Variants in EPM2A observed in about 807,000 individuals in gnomAD.
EPM2A encodes the protein EPM2A glucan phosphatase, laforin, also known as laforin.
EPM2A carries 21 observed loss-of-function variants against 26.5 expected under a neutral mutation model. The ratio of observed to expected loss-of-function variants is 0.79; its 90% CI spans 0.56 to 1.14. The LOEUF (loss-of-function observed/expected upper bound fraction) is 1.14. Among genes scored for constraint, EPM2A ranks in the 50% most tolerant of loss-of-function variants. The pLI, the probability that EPM2A is intolerant of heterozygous loss-of-function variation, is 0.00. For synonymous variants in EPM2A, 217 were observed against 177.6 expected (o/e 1.22, Z -1.76); for missense variants, 458 against 440.8 (o/e 1.04, Z -0.35).
At chr6:145,437,276 C>T (rs1045113926) in intron 4 of EPM2A, among the ~76,000 whole-genome samples, 10 of 152,230 alleles carry the variant, frequency 6.6e-5, no homozygotes, top group South Asian at 2.1e-4. Flanking sequence ...CGCCTTCTCC[C>T]ATGATTGTAA....
intron 2 of EPM2A, among the ~76,000 whole-genome samples, chr6:145,596,935 C>A (rs1421805360): frequency 1.9e-5 from 2 of 106,796 alleles, no homozygotes; most frequent in Non-Finnish European, 3.7e-5. Flanking sequence ...TCGCCCAGGC[C>A]GGACTGCGGA....
chr6:145,578,651 T>G (rs1181211481), intron 2 of EPM2A, among the ~76,000 whole-genome samples: 2 of 152,110 alleles, frequency 1.3e-5, no homozygotes, highest in Non-Finnish European at 2.9e-5. Flanking sequence ...TCCAAAAAAT[T>G]TAGCAGGAGG....
intron 4 of EPM2A, among the ~76,000 whole-genome samples, chr6:145,462,588 A>G (rs913392324): frequency 2.0e-5 from 3 of 152,296 alleles, no homozygotes; most frequent in Middle Eastern, 3.4e-3. Context: ...ATAGTTTGGT[A>G]TTCAACTCAG....
intron 4 of EPM2A, among the ~76,000 whole-genome samples, chr6:145,435,998 C>T (rs988726894): frequency 1.3e-5 from 2 of 152,156 alleles, no homozygotes; most frequent in Non-Finnish European, 2.9e-5. Flanking sequence ...TGGTGTTGTA[C>T]ATTCAATGGG....
intron 2 of EPM2A, among the ~76,000 whole-genome samples, chr6:145,517,914 A>G (rs1260291003): frequency 6.6e-6 from 1 of 152,162 alleles, no homozygotes. Flanking sequence ...AAAACACAAA[A>G]ATAAAAATCT....
intron 2 of EPM2A, among the ~76,000 whole-genome samples, chr6:145,683,268 G>GGTGGGT: frequency 7.5e-6 from 1 of 134,008 alleles, no homozygotes; most frequent in South Asian, 2.4e-4. Context: ...CCCAGGATTT[G>GGTGGGT]GTGTGTGTGT....
In EPM2A at chr6:145,564,853, T is replaced by TA. The variant is rs375876091; in HGVS notation, c.341-62279dup. 2.9e-4 allele frequency among the ~76,000 whole-genome samples: 44 copies of TA among 152,164 alleles called. 1 individual carries two copies. Among genetic ancestry groups the TA allele is most frequent in the African/African-American group, 9.4e-4 (39 of 41,530 alleles). On this transcript the variant is annotated intron_variant, in intron 2 of 3. Transcript: ENST00000450221. ...ATAAACTAACATCAGAGCCAGATCTTACATTCAGCTGGAAGGGGATCTAGC... is the reference window on the plus strand; with the variant it reads ...ATAAACTAACATCAGAGCCAGATCTTAACATTCAGCTGGAAGGGGATCTAGC...
At chr6:145,667,346 T>C (rs1465037930) in intron 2 of EPM2A, among the ~76,000 whole-genome samples, 1 of 144,630 alleles carries the variant, frequency 6.9e-6, no homozygotes, top group East Asian at 2.0e-4. Flanking sequence ...CATCAAAAAG[T>C]GGGTGAAGGA....
chr6:145,518,595 C>CAAAAAAAAA (rs55802475), intron 2 of EPM2A, among the ~76,000 whole-genome samples: 3 of 102,672 alleles, frequency 2.9e-5, no homozygotes, highest in African/African-American at 3.7e-5. Context: ...TGAAATGCAC[C>CAAAAAAAAA]AAAAAAAAAA....
chr6:145,533,549 C>T (rs1780390865), intron 2 of EPM2A, among the ~76,000 whole-genome samples: 1 of 152,150 alleles, frequency 6.6e-6, no homozygotes, highest in African/African-American at 2.4e-5. Context: ...CATCCCCTAC[C>T]CCATGCTCCA....
intron 4 of EPM2A, among the ~76,000 whole-genome samples, chr6:145,392,732 C>T (rs868788193): frequency 1.3e-5 from 2 of 152,088 alleles, no homozygotes; most frequent in Non-Finnish European, 2.9e-5. Flanking sequence ...TATATATCAA[C>T]CAGGCCTTCT....
intron 3 of EPM2A, chr6:145,629,032 G>A (rs1253762676): frequency 6.6e-6 from 1 of 152,372 alleles, no homozygotes; most frequent in East Asian, 1.9e-4. Context: ...CAAGCTCTGA[G>A]AAGGAGCAGA....
intron 1 of EPM2A, among the ~76,000 whole-genome samples, chr6:145,717,282 C>G (rs1285900600): frequency 1.3e-5 from 2 of 152,210 alleles, no homozygotes; most frequent in Admixed American, 6.5e-5. Context: ...ATCAAGTGGC[C>G]TTCATCCCTG....
chr6:145,518,926 G>A (rs1253914058), intron 2 of EPM2A, among the ~76,000 whole-genome samples: 1 of 136,992 alleles, frequency 7.3e-6, no homozygotes, highest in Non-Finnish European at 1.6e-5. Flanking sequence ...TTGGGAGCCA[G>A]AAAGGTGGAG....
intron 4 of EPM2A, among the ~76,000 whole-genome samples, chr6:145,479,782 G>C (rs1161986875): frequency 6.6e-6 from 1 of 151,988 alleles, no homozygotes. Context: ...TAGCAGTTGA[G>C]TTGATGAGTC....
At position 145,626,212 on chromosome 6, in the gene EPM2A, C is replaced by A. The variant is rs1775798329; in HGVS notation, c.*1204G>T. The A allele has an allele frequency of 1.0e-6, 1 of 992,394 alleles. No individual in the cohort carries two copies. Among genetic ancestry groups the A allele is most frequent in the Non-Finnish European group, 1.2e-6 (1 of 834,152 alleles). The allele number at this position is 992,394 out of a possible 1,614,324, so 61.5% of individuals were successfully genotyped here. A position where few individuals can be genotyped will look rare whatever the true frequency, so the allele number is the denominator to read the frequency against. On this transcript the variant is annotated 3_prime_UTR_variant, in exon 4 of 4. Coordinates refer to ENST00000367519, the MANE Select transcript of EPM2A (RefSeq NM_005670.4). ...GGTTGAATGCAGGTCTGTTTCTAGG[C>A]AGCACATTTTTGAAGGCAAAGTTGT...
chr6:145,466,214 A>C (rs577147971), intron 4 of EPM2A, among the ~76,000 whole-genome samples: 33 of 152,106 alleles, frequency 2.2e-4, no homozygotes, highest in Middle Eastern at 3.4e-3. Context: ...CAACCTACAA[A>C]ATGGGAGAAA....
At chr6:145,568,197 T>G (rs1269657833) in intron 2 of EPM2A, among the ~76,000 whole-genome samples, 2 of 152,222 alleles carry the variant, frequency 1.3e-5, no homozygotes, top group Non-Finnish European at 2.9e-5. Context: ...GGAATAGATG[T>G]AAGACTTCTT....
intron 4 of EPM2A, among the ~76,000 whole-genome samples, chr6:145,385,551 G>A (rs118130238): frequency 0.011 from 1,627 of 152,140 alleles, 32 homozygotes; most frequent in South Asian, 0.069. Flanking sequence ...ATGTTACATA[G>A]CAAATACTGC....
Sources: allele counts gnomAD v4.1 joint callset (sites outside exome capture counted in the v4.1 genomes callset), GRCh38; gene constraint gnomAD v4.1.1; transcripts MANE v1.5; gene names NCBI Gene and HGNC (gene_info 2026-07-23, HGNC 2026-07-21).